Variants in MYZAP observed in about 807,000 individuals in gnomAD.
MYZAP encodes the protein GRINL1A complex locus upstream.
Under a neutral mutation model 69.4 loss-of-function variants are expected in MYZAP, and 66 were observed. The observed-to-expected ratio is 0.95, with a 90% confidence interval of 0.78 to 1.17. MYZAP has a LOEUF of 1.17. Among genes scored for constraint, MYZAP ranks in the 50% most tolerant of loss-of-function variants. The pLI is 0.00. For synonymous variants in MYZAP, 256 were observed against 205.9 expected, an observed-to-expected ratio of 1.24 and a Z score of -2.09; for missense variants, 611 against 556.2, an observed-to-expected ratio of 1.10 and a Z score of -0.99.
intron 8 of MYZAP, among the ~76,000 whole-genome samples, chr15:57,637,070 T>C (rs2036860136): frequency 6.6e-6 from 1 of 152,178 alleles, no homozygotes; most frequent in Admixed American, 6.5e-5. Context: ...AGGCTCCTTC[T>C]CTCTGATTCT....
At chr15:57,597,865 G>A (rs1422214316) in intron 1 of MYZAP, among the ~76,000 whole-genome samples, 1 of 152,184 alleles carries the variant, frequency 6.6e-6, no homozygotes, top group South Asian at 2.1e-4. Flanking sequence ...CAGGCTCCTG[G>A]GATTTGATCC....
intron 1 of MYZAP, among the ~76,000 whole-genome samples, chr15:57,602,662 C>G (rs932223424): frequency 2.6e-5 from 4 of 152,238 alleles, no homozygotes; most frequent in African/African-American, 9.7e-5. Context: ...GCATTTCAGG[C>G]ATGTGATGGG....
At chr15:57,613,341 A>C (rs1341678161) in intron 2 of MYZAP, among the ~76,000 whole-genome samples, 2 of 151,840 alleles carry the variant, frequency 1.3e-5, no homozygotes, top group African/African-American at 2.4e-5. Context: ...TAGCATTATA[A>C]AGAGGCTTTT....
At chr15:57,660,307 A>G (rs2038222491) in intron 10 of MYZAP, among the ~76,000 whole-genome samples, 1 of 152,058 alleles carries the variant, frequency 6.6e-6, no homozygotes, top group African/African-American at 2.4e-5. Context: ...TTTGCATGAG[A>G]AGGATTTTAA....
rs1846804291 is a variant in MYZAP, at chr15:57,643,673, A to T, written c.1119+4128A>T. Among the ~76,000 whole-genome samples, 3 of 151,514 alleles carry T rather than the reference A, an allele frequency of 2.0e-5. 1 individual carries two copies. The highest frequency in any genetic ancestry group is 6.6e-5 in the Admixed American group (1 of 15,232). On this transcript the variant is annotated intron_variant, in intron 10 of 12. Transcript: ENST00000267853. ...TTGCCTTCCAAGAGGGTGGGTTTAC[A>T]TTTTTGCCAATGGGCAGGGATATTG...
At chr15:57,617,955 A>T in intron 2 of MYZAP, 78 bp from the exon 3 acceptor site, 4 of 1,517,306 alleles carry the variant, frequency 2.6e-6, no homozygotes, top group Non-Finnish European at 3.5e-6. Flanking sequence ...ATAATCATAC[A>T]CAGTGGGCCC....
chr15:57,597,361 T>G (rs2034127384), intron 1 of MYZAP, among the ~76,000 whole-genome samples: 1 of 152,182 alleles, frequency 6.6e-6, no homozygotes, highest in Admixed American at 6.5e-5. Context: ...GCATGAGTAT[T>G]TTTTAGGAAG....
chr15:57,679,375 T>TATGTGTGTGTGTG (rs1555465672), intron 12 of MYZAP, among the ~76,000 whole-genome samples: 1 of 115,010 alleles, frequency 8.7e-6, no homozygotes, highest in Admixed American at 9.5e-5. Context: ...TGTGTGTGTG[T>TATGTGTGTGTGTG]TTCTCTCTCT....
intron 12 of MYZAP, among the ~76,000 whole-genome samples, chr15:57,676,869 C>A (rs1294505068): frequency 6.6e-6 from 1 of 152,122 alleles, no homozygotes; most frequent in African/African-American, 2.4e-5. Flanking sequence ...AACTTGGAAG[C>A]CACTTCAGTA....
intron 10 of MYZAP, among the ~76,000 whole-genome samples, chr15:57,644,821 T>C (rs2037358103): frequency 6.6e-6 from 1 of 152,194 alleles, no homozygotes; most frequent in South Asian, 2.1e-4. Context: ...TAATACAAAC[T>C]TCCCAAAGGC....
intron 5 of MYZAP, 78 bp from the exon 6 acceptor site, chr15:57,629,624 G>C: frequency 6.5e-7 from 1 of 1,539,168 alleles, no homozygotes; most frequent in Non-Finnish European, 8.7e-7. Flanking sequence ...AATGATAAGG[G>C]GATGCCCCAG....
intron 10 of MYZAP, among the ~76,000 whole-genome samples, chr15:57,650,693 G>C (rs1475835071): frequency 6.6e-6 from 1 of 152,192 alleles, no homozygotes; most frequent in Non-Finnish European, 1.5e-5. Flanking sequence ...CATAGTTCCT[G>C]CCAGGACAAA....
chr15:57,611,009 T>C (rs1311200221), intron 2 of MYZAP, among the ~76,000 whole-genome samples: 6 of 152,046 alleles, frequency 3.9e-5, no homozygotes. Flanking sequence ...ACAGACTCAT[T>C]CAGATAGACA....
chr15:57,610,712 AGC>A, intron 2 of MYZAP, among the ~76,000 whole-genome samples: 1 of 152,300 alleles, frequency 6.6e-6, no homozygotes, highest in African/African-American at 2.4e-5. Flanking sequence ...GTCAAGGTGC[AGC>A]GGGTGGAGCT....
At chr15:57,671,422 G>A (rs1372543172) in intron 11 of MYZAP, among the ~76,000 whole-genome samples, 1 of 151,974 alleles carries the variant, frequency 6.6e-6, no homozygotes, top group African/African-American at 2.4e-5. Context: ...GTAAATTTAT[G>A]TCTTTAACTA....
At chr15:57,634,070 C>T (rs1411796416) in intron 8 of MYZAP, among the ~76,000 whole-genome samples, 3 of 152,184 alleles carry the variant, frequency 2.0e-5, no homozygotes, top group Non-Finnish European at 2.9e-5. Context: ...TACATCAACA[C>T]AGCAGCCCTG....
intron 3 of MYZAP, 31 bp from the exon 4 acceptor site, chr15:57,621,577 G>C: frequency 6.3e-7 from 1 of 1,593,832 alleles, no homozygotes; most frequent in South Asian, 1.1e-5. Context: ...GTTATGGCTT[G>C]ATCTCTAACT....
chr15:57,607,536 TC>T (rs1380372453), intron 2 of MYZAP, among the ~76,000 whole-genome samples: 2 of 152,006 alleles, frequency 1.3e-5, no homozygotes, highest in African/African-American at 4.8e-5. Flanking sequence ...GGGGCCCAAG[TC>T]CTCCCAGTCT....
intron 11 of MYZAP, among the ~76,000 whole-genome samples, chr15:57,666,243 T>C (rs951379930): frequency 3.9e-5 from 6 of 152,202 alleles, no homozygotes; most frequent in Non-Finnish European, 7.3e-5. Context: ...TCTGAGATTA[T>C]TACCATTTTT....
Sources: gnomAD v4.1 joint callset for allele counts (sites outside exome capture counted in the v4.1 genomes callset) on GRCh38, gnomAD v4.1.1 for gene constraint, MANE v1.5 for transcripts, NCBI Gene and HGNC (gene_info 2026-07-23, HGNC 2026-07-21) for gene names.